Variants in LRP1B observed in about 807,000 individuals in gnomAD.
The protein encoded by LRP1B is LDL receptor related protein 1B.
A neutral mutation model predicts 556.6 loss-of-function variants in LRP1B; 217 were observed. That is an observed-to-expected ratio of 0.39 (90% CI 0.35 to 0.44). LRP1B has a LOEUF of 0.44. Among genes scored for constraint, LRP1B ranks in the 20% least tolerant of loss-of-function variants. LRP1B has a pLI of 1.00. For synonymous variants in LRP1B, 2,047 were observed against 1,865.8 expected (o/e 1.10, Z -2.50); for missense variants, 5,053 against 5,620.8 (o/e 0.90, Z 3.23).
intron 3 of LRP1B, among the ~76,000 whole-genome samples, chr2:141,429,257 T>A (rs1214443996): frequency 6.6e-6 from 1 of 152,200 alleles, no homozygotes. Context: ...AATACTTCAC[T>A]ATTTTTCACT....
At chr2:140,259,382 TAC>T (rs1255231039) in intron 86 of LRP1B, among the ~76,000 whole-genome samples, 3 of 152,220 alleles carry the variant, frequency 2.0e-5, no homozygotes, top group East Asian at 1.9e-4. Context: ...GTTCTTGACT[TAC>T]AGATATTTAG....
chr2:140,911,592 C>A (rs79732598), intron 21 of LRP1B, among the ~76,000 whole-genome samples: 6,273 of 151,764 alleles, frequency 0.041, 209 homozygotes, highest in South Asian at 0.096. Flanking sequence ...AAGCATAAAG[C>A]CTGATCCTTG....
chr2:141,233,859 A>G (rs1325016788), intron 5 of LRP1B, among the ~76,000 whole-genome samples: 1 of 151,852 alleles, frequency 6.6e-6, no homozygotes, highest in Non-Finnish European at 1.5e-5. Context: ...AAACATATGT[A>G]TATAATAAAT....
rs543510523 is a variant in LRP1B, at chr2:141,546,209, A to T, written c.206-65676T>A. Among the ~76,000 whole-genome samples the T allele has an allele frequency of 8.6e-4, 131 of 152,198 alleles. 2 individuals are homozygous for T. The highest frequency in any genetic ancestry group is 3.1e-3 in the African/African-American group (127 of 41,542). ...CAAGTTTTTGATCACTTGCAGCTGA[A>T]CCCACTCACGATAGACTCACTCAGT... On this transcript the variant is annotated intron_variant, in intron 2 of 90. Coordinates refer to ENST00000389484, the MANE Select transcript of LRP1B (RefSeq NM_018557.3).
intron 43 of LRP1B, among the ~76,000 whole-genome samples, chr2:140,566,583 A>C (rs1048522626): frequency 1.3e-5 from 2 of 152,120 alleles, no homozygotes; most frequent in African/African-American, 2.4e-5. Flanking sequence ...ATGGTATTCA[A>C]GCTGAAGCTG....
At chr2:141,838,604 T>C (rs927835881) in intron 1 of LRP1B, among the ~76,000 whole-genome samples, 2 of 152,156 alleles carry the variant, frequency 1.3e-5, no homozygotes, top group African/African-American at 4.8e-5. Flanking sequence ...TAGAGGACAT[T>C]TTTCTGTATT....
In LRP1B at chr2:141,800,861, G is replaced by A. The variant is rs1695984387; in HGVS notation, c.205+9418C>T. 2.0e-5 allele frequency among the ~76,000 whole-genome samples: 3 copies of A among 152,154 alleles called. No individual in the cohort carries two copies. The South Asian group carries it at 6.2e-4, about 32-fold the overall frequency. On this transcript the variant is annotated intron_variant, in intron 2 of 90. Coordinates refer to ENST00000389484, the MANE Select transcript of LRP1B (RefSeq NM_018557.3). ...TGATGCAGTAGTCCCCCAACAAATA[G>A]CTGCTGATTGATTGAATGGTTTCTA...
chr2:141,070,803 AG>A (rs1163789237), intron 7 of LRP1B, among the ~76,000 whole-genome samples: 1 of 152,146 alleles, frequency 6.6e-6, no homozygotes, highest in African/African-American at 2.4e-5. Flanking sequence ...AGACTAAACC[AG>A]GAAAAAGTTG....
At chr2:140,446,728 A>G (rs961758573) in intron 63 of LRP1B, among the ~76,000 whole-genome samples, 5 of 152,204 alleles carry the variant, frequency 3.3e-5, no homozygotes, top group Non-Finnish European at 7.3e-5. Flanking sequence ...GACTACTAGA[A>G]TAAAATATAG....
intron 1 of LRP1B, among the ~76,000 whole-genome samples, chr2:141,947,653 C>T (rs1287049764): frequency 6.6e-6 from 1 of 151,988 alleles, no homozygotes; most frequent in East Asian, 1.9e-4. Flanking sequence ...ACTTAATTCT[C>T]TTTAAGTATT....
intron 11 of LRP1B, among the ~76,000 whole-genome samples, chr2:141,021,628 A>C (rs1312401107): frequency 6.6e-6 from 1 of 152,034 alleles, no homozygotes. Flanking sequence ...ATTGAATTAC[A>C]TGTGAAATCT....
At chr2:141,491,853 G>A (rs1399188756) in intron 2 of LRP1B, among the ~76,000 whole-genome samples, 1 of 151,940 alleles carries the variant, frequency 6.6e-6, no homozygotes, top group Non-Finnish European at 1.5e-5. Flanking sequence ...TAAGATACCT[G>A]TAAAAGAAAG....
rs575042911 is a variant in LRP1B, at chr2:141,480,479, G to T, written c.260C>A (p.Thr87Asn). ...CTGGGATAAATGAACACATTTGTTG[G>T]TACCAAGGCAAGCAATGTGATTCAA... is the stretch of plus-strand genomic sequence containing the variant. ...CPLNHIACLG[T>N]NKCVHLSQLC... Residue 87 changes from threonine to asparagine, a missense_variant, in exon 3 of 91, where the codon ACC becomes AAC. Thr to Asn is a moderately conservative substitution (Grantham distance 65). Around this residue, in one of 5 missense-constraint regions of LRP1B, gnomAD observed 3,619 missense variants for 3,931.9 expected, o/e 0.92. Coordinates refer to ENST00000389484, the MANE Select transcript of LRP1B (RefSeq NM_018557.3). 25 of 1,613,920 alleles carry T rather than the reference G, an allele frequency of 1.5e-5. No individual in the cohort carries two copies. The African/African-American group carries it at 3.1e-4, about 20-fold the overall frequency.
At chr2:141,090,047 A>G (rs1284533459) in intron 7 of LRP1B, among the ~76,000 whole-genome samples, 1 of 152,156 alleles carries the variant, frequency 6.6e-6, no homozygotes, top group Non-Finnish European at 1.5e-5. Flanking sequence ...ACTCCTCCCC[A>G]TTAGGGTCCT....
rs1474644076 is a variant in LRP1B at position 142,115,513 on chromosome 2, A to G, written c.82+15135T>C. Among the ~76,000 whole-genome samples, 45 of 93,766 alleles carry G rather than the reference A, an allele frequency of 4.8e-4. 2 individuals carry two copies. Among genetic ancestry groups the G allele is most frequent in the Non-Finnish European group, 7.4e-4 (37 of 49,930 alleles). The allele number at this position is 93,766 out of a possible 152,430, so 61.5% of individuals were successfully genotyped here. ...TAATTATATATAATATATATTATAT[A>G]TTACATATATAATATATATATTACA... is the stretch of plus-strand genomic sequence containing the variant. On this transcript the variant is annotated intron_variant, in intron 1 of 90. Transcript: ENST00000389484.
At chr2:140,728,682 T>C (rs1037696551) in intron 35 of LRP1B, among the ~76,000 whole-genome samples, 1 of 152,160 alleles carries the variant, frequency 6.6e-6, no homozygotes, top group Non-Finnish European at 1.5e-5. Flanking sequence ...TGTTTGAATT[T>C]TTTTCCATCA....
intron 57 of LRP1B, among the ~76,000 whole-genome samples, chr2:140,490,623 C>A (rs184439368): frequency 3.9e-4 from 60 of 152,204 alleles, no homozygotes; most frequent in African/African-American, 1.4e-3. Context: ...CATATGTGGA[C>A]AGACTCTCTG....
chr2:141,553,490 G>A (rs72976078), intron 2 of LRP1B, among the ~76,000 whole-genome samples: 4,894 of 151,048 alleles, frequency 0.032, 280 homozygotes, highest in African/African-American at 0.11. Context: ...ATTTTTTCTC[G>A]GTCAACAGGC....
chr2:141,408,387 G>A (rs1000226368), intron 3 of LRP1B, among the ~76,000 whole-genome samples: 1 of 151,772 alleles, frequency 6.6e-6, no homozygotes, highest in Non-Finnish European at 1.5e-5. Flanking sequence ...CTCGTGATCT[G>A]ACCGCCTCGG....
Sources: allele counts gnomAD v4.1 joint callset (sites outside exome capture counted in the v4.1 genomes callset), GRCh38; gene constraint gnomAD v4.1.1; regional missense constraint gnomAD v4.1.1; transcripts MANE v1.5; gene names NCBI Gene and HGNC (gene_info 2026-07-23, HGNC 2026-07-21).